Variants in SYNE2 observed in about 807,000 individuals in gnomAD.
SYNE2 encodes spectrin repeat containing nuclear envelope protein 2, also known as nesprin-2.
SYNE2 carries 431 observed loss-of-function variants against 856.3 expected under a neutral mutation model. The ratio of observed to expected loss-of-function variants is 0.50; its 90% CI spans 0.47 to 0.55. The LOEUF is 0.55. Ranked by LOEUF, SYNE2 falls within the 20% of genes least tolerant of loss-of-function variation. The pLI is 0.00. For missense variants in SYNE2, 8,129 were observed against 8,023.2 expected, an observed-to-expected ratio of 1.01 and a Z score of -0.50; for synonymous variants, 2,923 against 2,872.3, an observed-to-expected ratio of 1.02 and a Z score of -0.56.
At chr14:64,095,505 A>G (rs1420017262) in intron 61 of SYNE2, among the ~76,000 whole-genome samples, 2 of 152,232 alleles carry the variant, frequency 1.3e-5, no homozygotes, top group Non-Finnish European at 2.9e-5. Context: ...CACATTGTCA[A>G]TATTTCTTTA....
intron 1 of SYNE2, among the ~76,000 whole-genome samples, chr14:63,883,636 G>T (rs145017460): frequency 6.6e-6 from 1 of 152,174 alleles, no homozygotes; most frequent in African/African-American, 2.4e-5. Flanking sequence ...GATTACAGGC[G>T]TGCGCCACTG....
chr14:64,187,392 G>A (rs1163805993), intron 97 of SYNE2, among the ~76,000 whole-genome samples: 2 of 152,104 alleles, frequency 1.3e-5, no homozygotes, highest in Non-Finnish European at 2.9e-5. Flanking sequence ...TTATACAAAA[G>A]AAAATGTTTA....
chr14:64,115,230 A>G (rs1780882870), intron 66 of SYNE2, among the ~76,000 whole-genome samples: 1 of 152,228 alleles, frequency 6.6e-6, no homozygotes, highest in African/African-American at 2.4e-5. Flanking sequence ...AGGAAAAGAC[A>G]TGACTACCAG....
At chr14:63,819,137 A>G (rs527611698) in intron 1 of SYNE2, among the ~76,000 whole-genome samples, 1 of 152,202 alleles carries the variant, frequency 6.6e-6, no homozygotes, top group Non-Finnish European at 1.5e-5. Flanking sequence ...ATCCTTTGAC[A>G]TTAAAAAAAA....
Position 64,214,209 on chromosome 14 carries a change from AAGG to A in SYNE2, c.19076_19078del (p.Glu6359del), listed in dbSNP as rs1222883694. Reference sequence around the variant, plus strand: ...TGTGGTTTAGGGCTTGGAAGATGAAAAGGAGGCCTCTGAGAATGAAACAGACAT... The same window carrying A: ...TGTGGTTTAGGGCTTGGAAGATGAAAAGGCCTCTGAGAATGAAACAGACAT... On this transcript the variant is annotated inframe_deletion, in exon 106 of 116. Transcript: ENST00000555002. 6.2e-7 allele frequency: 1 copy of A among 1,614,166 alleles called. No individual in the cohort carries two copies.
rs45453691 is a variant in SYNE2 at position 64,218,494 on chromosome 14, A to G, written c.19639A>G (p.Ile6547Val). The change falls in exon 109 of 116, where the codon ATC (isoleucine) becomes GTC (valine). Residue 6547 changes from isoleucine (I) to valine (V), a missense_variant. Transcript: ENST00000555002. The part of the protein sequence containing the change: ...PQQEDGGLAG[I>V]TEQQSGAFDR... ...GCAGGAAGACGGGGGACTGGCCGGT[A>G]TCACAGAGCAGCAGTCAGGTACTGC... The G allele has an allele frequency of 0.014, 22,167 of 1,613,956 alleles. 235 individuals carry two copies. The highest frequency in any genetic ancestry group is 0.028 in the South Asian group (2,530 of 91,064).
intron 6 of SYNE2, among the ~76,000 whole-genome samples, chr14:63,947,110 A>C (rs141553100): frequency 0.013 from 1,936 of 152,234 alleles, 47 homozygotes; most frequent in African/African-American, 0.044. Flanking sequence ...TTGGCCTCCC[A>C]AAGTGCTGGG....
intron 6 of SYNE2, among the ~76,000 whole-genome samples, chr14:63,946,583 A>T (rs2096032797): frequency 6.8e-6 from 1 of 147,844 alleles, no homozygotes; most frequent in South Asian, 2.1e-4. Flanking sequence ...TTTGTCCAGT[A>T]TATATTATAT....
At chr14:64,081,978 C>T (rs61984136) in intron 57 of SYNE2, among the ~76,000 whole-genome samples, 2,273 of 151,906 alleles carry the variant, frequency 0.015, 24 homozygotes, top group Non-Finnish European at 0.022. Flanking sequence ...CCCAGCTACT[C>T]GGGAGGCTGA....
chr14:63,818,978 G>A (rs542753369), intron 1 of SYNE2, among the ~76,000 whole-genome samples: 20 of 151,684 alleles, frequency 1.3e-4, no homozygotes, highest in Admixed American at 9.2e-4. Context: ...GATTACAGGC[G>A]TGAGCCACTG....
intron 17 of SYNE2, 39 bp downstream of exon 17, chr14:63,982,833 G>T: frequency 6.3e-7 from 1 of 1,595,362 alleles, no homozygotes; most frequent in Middle Eastern, 1.7e-4. Context: ...ATTTAGATAT[G>T]ATTCATGTAC....
At chr14:64,013,532 C>T (rs1594861226) in intron 32 of SYNE2, among the ~76,000 whole-genome samples, 2 of 152,154 alleles carry the variant, frequency 1.3e-5, no homozygotes, top group South Asian at 2.1e-4. Context: ...TCCATGCGTC[C>T]GTGTGCCCCC....
intron 50 of SYNE2, among the ~76,000 whole-genome samples, chr14:64,064,413 T>C (rs1354121493): frequency 2.0e-5 from 3 of 152,170 alleles, no homozygotes; most frequent in African/African-American, 7.2e-5. Context: ...AAAACATACA[T>C]TTTATACAAA....
chr14:64,130,246 A>C lies in SYNE2; in HGVS notation c.14338A>C (p.Lys4780Gln). 1.2e-6 allele frequency: 2 copies of C among 1,611,232 alleles called. No homozygotes were observed. Among genetic ancestry groups the C allele is most frequent in the Non-Finnish European group, 1.7e-6 (2 of 1,178,568 alleles). The change falls in exon 76 of 116, where the codon AAG becomes CAG. Residue 4780 changes from lysine (K) to glutamine (Q), a missense_variant and splice_region_variant. Lys to Gln is a moderately conservative substitution (Grantham distance 53). Transcript: ENST00000555002. ...GTTACAGGCTCAAATAGAAAATCAC[A>C]AGGTGAGACAGACACATGGGTCGGG... is the stretch of plus-strand genomic sequence containing the variant. ...VALQAQIENH[K>Q]VFFQKLVADM...
intron 87 of SYNE2, among the ~76,000 whole-genome samples, chr14:64,159,922 C>T (rs1320630507): frequency 6.6e-6 from 1 of 152,122 alleles, no homozygotes. Flanking sequence ...ATGAAAGCTC[C>T]CTTTAAGGAG....
intron 23 of SYNE2, among the ~76,000 whole-genome samples, chr14:63,995,520 T>C (rs2096706333): frequency 6.6e-6 from 1 of 152,230 alleles, no homozygotes; most frequent in South Asian, 2.1e-4. Context: ...CAGGACACAG[T>C]GTCCTCAGAA....
intron 10 of SYNE2, among the ~76,000 whole-genome samples, chr14:63,965,911 A>G (rs1025065740): frequency 6.6e-6 from 1 of 152,270 alleles, no homozygotes; most frequent in East Asian, 1.9e-4. Context: ...TTGTTCTCAC[A>G]TATGTCTTTG....
intron 25 of SYNE2, 118 bp from the exon 26 acceptor site, chr14:63,998,101 T>C: frequency 3.8e-6 from 3 of 792,428 alleles, no homozygotes; most frequent in Non-Finnish European, 6.6e-6. Flanking sequence ...GAAATTGTAT[T>C]ATCTCCTGGT....
intron 101 of SYNE2, 162 bp downstream of exon 101, chr14:64,209,107 T>C (rs1187245753): frequency 9.8e-7 from 1 of 1,021,762 alleles, no homozygotes; most frequent in African/African-American, 1.6e-5. Flanking sequence ...TCAAGAAAAA[T>C]GTAACCGGAG....
Sources: allele counts gnomAD v4.1 joint callset (sites outside exome capture counted in the v4.1 genomes callset), GRCh38; gene constraint gnomAD v4.1.1; transcripts MANE v1.5; gene names NCBI Gene and HGNC (gene_info 2026-07-23, HGNC 2026-07-21).